Variants in NHS observed in about 807,000 individuals in gnomAD.
NHS encodes NHS actin remodeling regulator.
NHS carries 5 observed loss-of-function variants against 72.5 expected under a neutral mutation model. The ratio of observed to expected loss-of-function variants is 0.07; its 90% CI spans 0.04 to 0.14. The LOEUF (loss-of-function observed/expected upper bound fraction) is 0.14, where lower values mean the gene tolerates loss of function less well. Among genes scored for constraint, NHS ranks in the 10% least tolerant of loss-of-function variants. NHS has a pLI of 1.00. For synonymous variants in NHS, 464 were observed against 547.7 expected, an observed-to-expected ratio of 0.85 and a Z score of 2.13; for missense variants, 1,072 against 1,355.7, an observed-to-expected ratio of 0.79 and a Z score of 3.29.
chrX:17,532,753 C>T (rs1447148992), intron 1 of NHS, among the ~76,000 whole-genome samples: 1 of 111,367 alleles, frequency 9.0e-6, no homozygotes, highest in Non-Finnish European at 1.9e-5. Flanking sequence ...AAGTGTGCCT[C>T]GATGGATTGA....
At chrX:17,598,020 C>A (rs1299344595) in intron 1 of NHS, among the ~76,000 whole-genome samples, 1 of 111,203 alleles carries the variant, frequency 9.0e-6, no homozygotes, top group African/African-American at 3.3e-5. Flanking sequence ...TTAGTCAGCT[C>A]TTTTTGGAGG....
chrX:17,581,291 G>A (rs1164029053), intron 1 of NHS, among the ~76,000 whole-genome samples: 1 of 111,943 alleles, frequency 8.9e-6, no homozygotes, highest in East Asian at 2.8e-4. Context: ...ACTGGGCCAC[G>A]TCTATGACTG....
chrX:17,687,884 C>T lies in NHS; in HGVS notation c.708C>T (p.Ala236=). 8.3e-7 allele frequency: 1 copy of T among 1,211,280 alleles called. No homozygotes were observed. Among genetic ancestry groups the T allele is most frequent in the Non-Finnish European group, 1.1e-6 (1 of 895,239 alleles). The change falls in exon 2 of 9, where the codon GCC becomes GCT. Residue 236 remains alanine (A), a synonymous_variant. Transcript: ENST00000676302. The part of the protein sequence containing the change: ...LHRHARQSLQ[A]LRREHRSRSD... ...GCCACGCCCGGCAGAGCCTGCAAGC[C>T]CTGCGCAGAGGTGACAGATCCTGGG...
At chrX:17,469,798 G>A (rs973567090) in intron 1 of NHS, among the ~76,000 whole-genome samples, 5 of 110,741 alleles carry the variant, frequency 4.5e-5, no homozygotes, top group African/African-American at 1.6e-4. Context: ...GCACCACCAC[G>A]CCTGGCCAAT....
intron 1 of NHS, among the ~76,000 whole-genome samples, chrX:17,421,872 C>T (rs760161858): frequency 3.6e-5 from 4 of 112,101 alleles, no homozygotes; most frequent in South Asian, 3.7e-4. Flanking sequence ...CCACCGCGCC[C>T]GGCCTCTACT....
At chrX:17,705,108 C>T (rs1335155363) in intron 3 of NHS, among the ~76,000 whole-genome samples, 1 of 111,864 alleles carries the variant, frequency 8.9e-6, no homozygotes, top group East Asian at 2.8e-4. Context: ...TGAATTCAGG[C>T]TGAAGAGAAA....
chrX:17,569,696 G>T (rs1023877719), intron 1 of NHS, among the ~76,000 whole-genome samples: 8 of 111,548 alleles, frequency 7.2e-5, no homozygotes, highest in African/African-American at 2.6e-4. Flanking sequence ...GTCAATTTTG[G>T]CTTTTGTTGC....
chrX:17,594,182 C>T, intron 1 of NHS, among the ~76,000 whole-genome samples: 1 of 111,989 alleles, frequency 8.9e-6, no homozygotes, highest in Non-Finnish European at 1.9e-5. Flanking sequence ...ATAACTGGCC[C>T]GTGTTTACCC....
chrX:17,613,065 G>A (rs188262798), intron 1 of NHS, among the ~76,000 whole-genome samples: 5 of 108,385 alleles, frequency 4.6e-5, no homozygotes, highest in East Asian at 2.9e-4. Context: ...CAGTAATGAC[G>A]TTGAACAAAA....
intron 1 of NHS, among the ~76,000 whole-genome samples, chrX:17,538,470 G>T (rs767415359): frequency 9.0e-6 from 1 of 111,723 alleles, no homozygotes; most frequent in East Asian, 2.8e-4. Context: ...GGGGACCTCT[G>T]GGAAACTAAG....
At chrX:17,379,729 C>T (rs912635508) in intron 1 of NHS, among the ~76,000 whole-genome samples, 5 of 111,912 alleles carry the variant, frequency 4.5e-5, no homozygotes, top group Non-Finnish European at 7.5e-5. Flanking sequence ...TAGCCAAGAT[C>T]GCGCCATTGC....
rs982425364 is a variant in NHS, at chrX:17,390,115, G to A, written c.565+13793G>A. Among the ~76,000 whole-genome samples, 5 of 111,978 alleles carry A rather than the reference G, an allele frequency of 4.5e-5. No homozygotes were observed. The Admixed American group carries it at 4.7e-4, about 11-fold the overall frequency. ...CTGTCCTATCTAAGTGCATTCAGAT[G>A]TGTGAAATAAGAAGCCCTATTCTAG... On this transcript the variant is annotated intron_variant, in intron 1 of 8. Coordinates refer to ENST00000676302, the MANE Select transcript of NHS (RefSeq NM_001291867.2).
chrX:17,435,522 C>T (rs775035241), intron 1 of NHS, among the ~76,000 whole-genome samples: 1 of 112,174 alleles, frequency 8.9e-6, no homozygotes, highest in Non-Finnish European at 1.9e-5. Flanking sequence ...GTTCTGCCTG[C>T]GGGCTCTAAT....
intron 2 of NHS, 106 bp downstream of exon 2, chrX:17,688,000 A>G: frequency 1.1e-6 from 1 of 916,311 alleles, no homozygotes; most frequent in Non-Finnish European, 1.5e-6. Context: ...TATTATAGCA[A>G]GTACTTTGAA....
intron 3 of NHS, among the ~76,000 whole-genome samples, chrX:17,713,648 CAAAAG>C (rs750868390): frequency 9.0e-5 from 10 of 111,591 alleles, no homozygotes; most frequent in Admixed American, 9.5e-5. Context: ...AAATATAACT[CAAAAG>C]AAAGTAAAAT....
At chrX:17,582,814 A>G (rs2065551182) in intron 1 of NHS, among the ~76,000 whole-genome samples, 1 of 112,430 alleles carries the variant, frequency 8.9e-6, no homozygotes, top group Admixed American at 9.4e-5. Flanking sequence ...TAAAACCCAG[A>G]TTGTATAAGT....
chrX:17,567,521 TTAAC>T (rs754015975), intron 1 of NHS, among the ~76,000 whole-genome samples: 68 of 111,208 alleles, frequency 6.1e-4, no homozygotes, highest in Non-Finnish European at 9.4e-4. Context: ...AAGGAAAAAA[TTAAC>T]AAACAAGCAA....
intron 1 of NHS, among the ~76,000 whole-genome samples, chrX:17,656,443 G>C (rs1344332163): frequency 8.9e-6 from 1 of 112,058 alleles, no homozygotes; most frequent in African/African-American, 3.2e-5. Context: ...CGCACCTCTG[G>C]GTGCTGGGTG....
intron 1 of NHS, among the ~76,000 whole-genome samples, chrX:17,536,115 G>A (rs998585780): frequency 3.6e-5 from 4 of 111,865 alleles, no homozygotes; most frequent in Non-Finnish European, 7.5e-5. Context: ...CAGCACTTTG[G>A]GAGGACAAGG....
Sources: gnomAD v4.1 joint callset for allele counts (sites outside exome capture counted in the v4.1 genomes callset) on GRCh38, gnomAD v4.1.1 for gene constraint, MANE v1.5 for transcripts, NCBI Gene and HGNC (gene_info 2026-07-23, HGNC 2026-07-21) for gene names.